NTRK3: variants seen among roughly 807,000 people sequenced by gnomAD.
The protein encoded by NTRK3 is NT-3 growth factor receptor.
In NTRK3, 24 loss-of-function variants were observed where a neutral mutation model predicts 91.7. The observed-to-expected ratio is 0.26, with a 90% confidence interval of 0.19 to 0.37. The LOEUF (loss-of-function observed/expected upper bound fraction) is 0.37. NTRK3 is among the 10% of genes least tolerant of loss of function. The pLI, the probability that NTRK3 is intolerant of heterozygous loss-of-function variation, is 1.00. For synonymous variants in NTRK3, 483 were observed against 404.0 expected (o/e 1.20, Z -2.34); for missense variants, 880 against 1,068.9 (o/e 0.82, Z 2.46).
chr15:87,929,416 T>C (rs1345231664), exon 17 of NTRK3: 4 of 1,614,034 alleles, frequency 2.5e-6, no homozygotes, highest in Admixed American at 1.7e-5. Context: ...CAAGGATCAT[T>C]GCATCTGGCC....
intron 3 of NTRK3, among the ~76,000 whole-genome samples, chr15:88,193,551 G>C (rs1399018589): frequency 6.6e-6 from 1 of 152,106 alleles, no homozygotes; most frequent in Admixed American, 6.5e-5. Context: ...CTTCACCAAA[G>C]CATGAGTTTT....
chr15:88,090,389 A>G (rs1469760688), intron 13 of NTRK3, among the ~76,000 whole-genome samples: 1 of 149,362 alleles, frequency 6.7e-6, no homozygotes, highest in African/African-American at 2.6e-5. Flanking sequence ...AAAGGAAGGA[A>G]GGAGAAAAGG....
intron 16 of NTRK3, among the ~76,000 whole-genome samples, chr15:87,932,456 T>TG (rs2068886651): frequency 6.6e-6 from 1 of 152,176 alleles, no homozygotes; most frequent in Admixed American, 6.5e-5. Flanking sequence ...TGGCCATAGG[T>TG]GGACACTGTA....
chr15:87,978,880 G>A (rs1451949828), intron 14 of NTRK3: 12 of 265,700 alleles, frequency 4.5e-5, no homozygotes, highest in South Asian at 1.1e-4. Flanking sequence ...GTTGCAGGGC[G>A]ACGAGGTCAC....
intron 3 of NTRK3, among the ~76,000 whole-genome samples, chr15:88,199,913 T>A (rs2048157785): frequency 1.3e-5 from 2 of 152,080 alleles, no homozygotes; most frequent in South Asian, 4.1e-4. Flanking sequence ...AGAAAGGAAG[T>A]GGTGCTGGTG....
At chr15:88,052,185 G>A (rs2080890567) in intron 13 of NTRK3, among the ~76,000 whole-genome samples, 1 of 152,222 alleles carries the variant, frequency 6.6e-6, no homozygotes, top group African/African-American at 2.4e-5. Flanking sequence ...ATTTCCAGGT[G>A]TACATCTAAA....
At chr15:88,239,994 T>C (rs1490457893) in intron 3 of NTRK3, among the ~76,000 whole-genome samples, 1 of 151,836 alleles carries the variant, frequency 6.6e-6, no homozygotes, top group Non-Finnish European at 1.5e-5. Flanking sequence ...CGCCAAAGCT[T>C]AATAACTCAC....
intron 3 of NTRK3, among the ~76,000 whole-genome samples, chr15:88,185,528 C>A (rs1402553751): frequency 6.6e-6 from 1 of 152,168 alleles, no homozygotes. Context: ...TCATACACAC[C>A]TGTGATCCCA....
intron 5 of NTRK3, among the ~76,000 whole-genome samples, chr15:88,181,808 C>A (rs1005267710): frequency 6.6e-6 from 1 of 152,236 alleles, no homozygotes; most frequent in African/African-American, 2.4e-5. Context: ...TCAGCTGGAA[C>A]TGATGACTGG....
chr15:87,920,852 C>T (rs531221138), intron 17 of NTRK3, among the ~76,000 whole-genome samples: 15 of 152,128 alleles, frequency 9.9e-5, no homozygotes, highest in African/African-American at 1.4e-4. Flanking sequence ...GCTTTGACCA[C>T]GGTAGTTCCA....
chr15:87,932,714 G>A (rs960370870), intron 16 of NTRK3, among the ~76,000 whole-genome samples: 2 of 152,182 alleles, frequency 1.3e-5, no homozygotes, highest in Admixed American at 1.3e-4. Flanking sequence ...GTAAGCCACA[G>A]GCTGTGGGGC....
chr15:87,946,890 T>C (rs1251665607), intron 14 of NTRK3, among the ~76,000 whole-genome samples: 2 of 144,850 alleles, frequency 1.4e-5, no homozygotes, highest in Non-Finnish European at 3.0e-5. Context: ...TTTTTTTTTT[T>C]TTTTTTTTTG....
intron 17 of NTRK3, chr15:87,916,698 C>A: frequency 1.5e-6 from 1 of 647,060 alleles, no homozygotes. Context: ...TTTTATTCCA[C>A]TGGTTTCCCA....
At chr15:88,188,650 G>C (rs778690994) in intron 3 of NTRK3, among the ~76,000 whole-genome samples, 11 of 152,210 alleles carry the variant, frequency 7.2e-5, no homozygotes, top group Non-Finnish European at 1.2e-4. Context: ...ATACAAAAAA[G>C]TCTACCTCTA....
intron 5 of NTRK3, among the ~76,000 whole-genome samples, chr15:88,151,391 C>T (rs920755283): frequency 3.3e-5 from 5 of 152,122 alleles, no homozygotes; most frequent in South Asian, 4.1e-4. Flanking sequence ...CCCTGAGGAA[C>T]GACAGAGCTG....
intron 13 of NTRK3, chr15:88,072,450 G>T (rs1459068726): frequency 8.8e-6 from 2 of 228,432 alleles, no homozygotes; most frequent in Admixed American, 5.7e-5. Context: ...ATTTATTCCG[G>T]AGAGGGAGAG....
In NTRK3 at chr15:87,896,144, T is replaced by C. The variant is rs559282454; in HGVS notation, c.2134-15716A>G. 4.5e-4 allele frequency among the ~76,000 whole-genome samples: 69 copies of C among 152,302 alleles called. No individual in the cohort carries two copies. The Middle Eastern group carries it at 0.014, about 30-fold the overall frequency. On this transcript the variant is annotated intron_variant, in intron 17 of 18. Coordinates refer to ENST00000394480, the Ensembl canonical transcript of NTRK3. ...TGAGGGCTGTGTCTGGCCATGGCCA[T>C]GGTCACTCATATTTGGCTCAGAATA...
intron 13 of NTRK3, among the ~76,000 whole-genome samples, chr15:88,056,212 T>TTTTA (rs957542698): frequency 1.6e-5 from 2 of 125,032 alleles, no homozygotes; most frequent in East Asian, 4.3e-4. Context: ...ATTTTTTTTT[T>TTTTA]AATGTAGAAC....
At chr15:88,107,211 G>A (rs192112148) in intron 13 of NTRK3, among the ~76,000 whole-genome samples, 1 of 152,242 alleles carries the variant, frequency 6.6e-6, no homozygotes, top group Non-Finnish European at 1.5e-5. Flanking sequence ...GGGAGGCTGA[G>A]GTGAGCAGAT....
Sources: allele counts gnomAD v4.1 joint callset (sites outside exome capture counted in the v4.1 genomes callset), GRCh38; gene constraint gnomAD v4.1.1; transcripts MANE v1.5; gene names NCBI Gene and HGNC (gene_info 2026-07-23, HGNC 2026-07-21).